The following RIN2 variants were observed in gnomAD, a reference collection of about 807,000 sequenced individuals.
The protein encoded by RIN2 is Ras and Rab interactor 2, also known as RAB5 interacting protein 2.
A neutral mutation model predicts 78.0 loss-of-function variants in RIN2; 36 were observed. The observed-to-expected ratio is 0.46, with a 90% CI of 0.35 to 0.61. RIN2 has a LOEUF of 0.61. Among genes scored for constraint, RIN2 ranks in the 20% least tolerant of loss-of-function variants. The probability of loss-of-function intolerance (pLI) is 0.00; values close to 1 mark genes in which losing one functional copy is unlikely to be tolerated. For synonymous variants in RIN2, 466 were observed against 466.8 expected (o/e 1.00, Z 0.02); for missense variants, 1,087 against 1,159.7 (o/e 0.94, Z 0.91).
chr20:19,816,061 T>C (rs1271477656), intron 2 of RIN2, among the ~76,000 whole-genome samples: 2 of 152,218 alleles, frequency 1.3e-5, no homozygotes, highest in Non-Finnish European at 1.5e-5. Context: ...GGCATATAAA[T>C]AGTATTTGTG....
intron 2 of RIN2, among the ~76,000 whole-genome samples, chr20:19,878,036 C>T (rs893497532): frequency 2.0e-5 from 3 of 152,030 alleles, no homozygotes; most frequent in Non-Finnish European, 2.9e-5. Flanking sequence ...AAAATAGTAG[C>T]GGAAGCTGTG....
At chr20:19,898,740 C>T (rs988889101) in intron 3 of RIN2, among the ~76,000 whole-genome samples, 1 of 152,314 alleles carries the variant, frequency 6.6e-6, no homozygotes, top group African/African-American at 2.4e-5. Flanking sequence ...AACACAGATA[C>T]ATTCCTCTAG....
rs551295180 is a variant in RIN2 at position 19,901,830 on chromosome 20, A to G, written c.57+12172A>G. ...TTAGGTGTTTGAGACCAGCCTGGCC[A>G]ACATGGTGAAACCCCGTCTCTACTA... On this transcript the variant is annotated intron_variant, in intron 3 of 12. Coordinates refer to ENST00000255006, the MANE Select transcript of RIN2 (RefSeq NM_018993.4). 3.9e-4 allele frequency among the ~76,000 whole-genome samples: 59 copies of G among 152,158 alleles called. 1 individual carries two copies. In the East Asian group the frequency reaches 5.2e-3, roughly 13 times the overall value.
At chr20:19,796,663 C>T (rs762815125) in intron 1 of RIN2, among the ~76,000 whole-genome samples, 10 of 152,094 alleles carry the variant, frequency 6.6e-5, no homozygotes, top group Non-Finnish European at 1.0e-4. Flanking sequence ...ATTGGAATCA[C>T]GCAGGGAGCT....
intron 12 of RIN2, among the ~76,000 whole-genome samples, chr20:19,998,219 T>C (rs2043031730): frequency 6.6e-6 from 1 of 151,980 alleles, no homozygotes; most frequent in Non-Finnish European, 1.5e-5. Context: ...TGGCCTCAAC[T>C]GATCCACCCG....
In RIN2 at chr20:19,977,245, C is replaced by A. The variant is rs762007986; in HGVS notation, c.1762+1458C>A. On this transcript the variant is annotated intron_variant, in intron 9 of 12. Coordinates refer to ENST00000255006, the MANE Select transcript of RIN2 (RefSeq NM_018993.4). ...TGTCAGGCCTGAGCTATGTGGCCAG[C>A]GGCGCCAACCAGCCCACAGTGCCTG... is the stretch of plus-strand genomic sequence containing the variant. Among the ~76,000 whole-genome samples, 3 of 152,142 alleles carry A rather than the reference C, an allele frequency of 2.0e-5. No homozygotes were observed. The South Asian group carries it at 6.2e-4, about 32-fold the overall frequency.
At chr20:19,835,136 A>AAGGG (rs1183595540) in intron 2 of RIN2, among the ~76,000 whole-genome samples, 100 of 64,420 alleles carry the variant, frequency 1.6e-3, no homozygotes, top group African/African-American at 4.3e-3. Flanking sequence ...GAAAGGAAGG[A>AAGGG]AGGGAGGGAG....
chr20:19,838,374 A>C (rs916742575), intron 2 of RIN2, among the ~76,000 whole-genome samples: 2 of 152,218 alleles, frequency 1.3e-5, no homozygotes, highest in Non-Finnish European at 2.9e-5. Flanking sequence ...TTAAAGTATG[A>C]TCTACGTACT....
At chr20:19,788,441 A>AACAAAAACAAAAACAAAAAC (rs1600457271) in intron 1 of RIN2, among the ~76,000 whole-genome samples, 1 of 148,886 alleles carries the variant, frequency 6.7e-6, no homozygotes, top group Non-Finnish European at 1.5e-5. Flanking sequence ...CCAAAAAAAA[A>AACAAAAACAAAAACAAAAAC]AAAAAAAACA....
chr20:19,843,721 C>A (rs535735329), intron 2 of RIN2, among the ~76,000 whole-genome samples: 1 of 152,230 alleles, frequency 6.6e-6, no homozygotes, highest in East Asian at 1.9e-4. Context: ...CAAGAGGTGC[C>A]TGGACTACCA....
intron 11 of RIN2, among the ~76,000 whole-genome samples, chr20:19,995,223 TC>T (rs2042916961): frequency 7.0e-6 from 1 of 142,036 alleles, no homozygotes; most frequent in Admixed American, 7.1e-5. Flanking sequence ...TAACTTCTGG[TC>T]CCTGCAGGAA....
At chr20:19,989,836 CAT>C (rs2042738524) in intron 9 of RIN2, among the ~76,000 whole-genome samples, 168 bp from the exon 10 acceptor site, 2 of 152,318 alleles carry the variant, frequency 1.3e-5, no homozygotes, top group East Asian at 1.9e-4. Context: ...AAAATGTTAA[CAT>C]GTGAGTTATG....
intron 3 of RIN2, among the ~76,000 whole-genome samples, chr20:19,924,568 ACCCCCACCTTCATT>A (rs1299722911): frequency 3.2e-4 from 2 of 6,252 alleles, no homozygotes; most frequent in African/African-American, 2.2e-3. Context: ...CCACCTTCAT[ACCCCCACCTTCATT>A]CCCCACCCCT....
chr20:19,823,276 G>A (rs2035982690), intron 2 of RIN2, among the ~76,000 whole-genome samples: 1 of 152,212 alleles, frequency 6.6e-6, no homozygotes, highest in African/African-American at 2.4e-5. Flanking sequence ...GGTAGTGAAA[G>A]TGTTCATGCC....
chr20:19,989,890 C>T (rs1460601893), intron 9 of RIN2, 116 bp from the exon 10 acceptor site: 2 of 1,020,960 alleles, frequency 2.0e-6, no homozygotes, highest in Non-Finnish European at 2.8e-6. Context: ...TTAAGGTGTA[C>T]AATTTGTGTG....
intron 4 of RIN2, among the ~76,000 whole-genome samples, chr20:19,948,430 T>C (rs900000765): frequency 1.3e-5 from 2 of 152,344 alleles, no homozygotes; most frequent in Middle Eastern, 3.4e-3. Context: ...AGTATCCATC[T>C]GTCTCCCAGG....
chr20:19,836,027 C>T (rs750365598), intron 2 of RIN2, among the ~76,000 whole-genome samples: 6 of 152,122 alleles, frequency 3.9e-5, no homozygotes, highest in East Asian at 3.9e-4. Flanking sequence ...TCTGGTATTC[C>T]GGGCTACCAG....
intron 2 of RIN2, among the ~76,000 whole-genome samples, chr20:19,835,913 G>A (rs1385593792): frequency 1.3e-5 from 2 of 152,202 alleles, no homozygotes; most frequent in Non-Finnish European, 2.9e-5. Flanking sequence ...GACAGTCGAT[G>A]AGGGAATCCA....
At chr20:19,791,651 G>A (rs1401596834) in intron 1 of RIN2, among the ~76,000 whole-genome samples, 2 of 152,160 alleles carry the variant, frequency 1.3e-5, no homozygotes, top group Admixed American at 6.5e-5. Flanking sequence ...TTTGGAAAGG[G>A]AATGAAAAAT....
Sources: gnomAD v4.1 joint callset for allele counts (sites outside exome capture counted in the v4.1 genomes callset) on GRCh38, gnomAD v4.1.1 for gene constraint, MANE v1.5 for transcripts, NCBI Gene and HGNC (gene_info 2026-07-23, HGNC 2026-07-21) for gene names.